PTPRD: variants seen among roughly 807,000 people sequenced by gnomAD.
PTPRD encodes the protein receptor-type tyrosine-protein phosphatase delta.
PTPRD carries 34 observed loss-of-function variants against 214.5 expected under a neutral mutation model. The observed-to-expected ratio is 0.16, with a 90% CI of 0.12 to 0.21. The LOEUF is 0.21. PTPRD is among the 10% of genes least tolerant of loss of function. PTPRD has a pLI of 1.00. For synonymous variants in PTPRD, 1,128 were observed against 845.7 expected, an observed-to-expected ratio of 1.33 and a Z score of -5.79; for missense variants, 2,545 against 2,398.7, an observed-to-expected ratio of 1.06 and a Z score of -1.27.
At chr9:9,031,619 T>A (rs2099605713) in intron 10 of PTPRD, among the ~76,000 whole-genome samples, 1 of 152,032 alleles carries the variant, frequency 6.6e-6, no homozygotes, top group Non-Finnish European at 1.5e-5. Context: ...CACCAATAAA[T>A]ACGTGGTCCA....
At chr9:8,934,644 T>C (rs59284487) in intron 11 of PTPRD, among the ~76,000 whole-genome samples, 39,304 of 145,624 alleles carry the variant, frequency 0.27, 5,895 homozygotes, top group East Asian at 0.6. Context: ...TAAGATCTAC[T>C]CTCTTATTTC....
At chr9:8,621,080 C>T (rs1312592222) in intron 14 of PTPRD, among the ~76,000 whole-genome samples, 4 of 151,940 alleles carry the variant, frequency 2.6e-5, no homozygotes, top group South Asian at 4.2e-4. Flanking sequence ...TAAGTCTTCC[C>T]GGGTCTTTGG....
chr9:8,933,871 C>CTTT (rs1421750991), intron 11 of PTPRD, among the ~76,000 whole-genome samples: 1 of 152,084 alleles, frequency 6.6e-6, no homozygotes, highest in East Asian at 1.9e-4. Context: ...GTTTAACAGA[C>CTTT]TTTAATAAAT....
At chr9:10,306,461 C>T (rs2154411769) in intron 3 of PTPRD, among the ~76,000 whole-genome samples, 1 of 152,014 alleles carries the variant, frequency 6.6e-6, no homozygotes, top group Admixed American at 6.6e-5. Context: ...GGAAAAATGG[C>T]TAGTAAACTT....
intron 9 of PTPRD, among the ~76,000 whole-genome samples, chr9:9,284,288 T>G (rs1948690751): frequency 6.6e-6 from 1 of 151,634 alleles, no homozygotes; most frequent in African/African-American, 2.4e-5. Flanking sequence ...AGTTTGTTGG[T>G]TTTTATTATC....
At chr9:8,494,035 C>G (rs1289848281) in intron 26 of PTPRD, among the ~76,000 whole-genome samples, 1 of 150,798 alleles carries the variant, frequency 6.6e-6, no homozygotes, top group Non-Finnish European at 1.5e-5. Flanking sequence ...CACACACACA[C>G]ACACAGCAAT....
chr9:9,991,905 G>A (rs906707811), intron 4 of PTPRD, among the ~76,000 whole-genome samples: 1 of 150,736 alleles, frequency 6.6e-6, no homozygotes, highest in African/African-American at 2.4e-5. Context: ...AGAAAAGGTG[G>A]TATACACATT....
intron 11 of PTPRD, among the ~76,000 whole-genome samples, chr9:8,775,803 C>G (rs2381900): frequency 0.71 from 107,490 of 151,140 alleles, 38,250 homozygotes; most frequent in Middle Eastern, 0.82. Flanking sequence ...GGACAACATA[C>G]TGAGGCCAAG....
intron 11 of PTPRD, among the ~76,000 whole-genome samples, chr9:8,933,530 ACT>A (rs1220499030): frequency 1.3e-5 from 2 of 151,908 alleles, no homozygotes; most frequent in Non-Finnish European, 2.9e-5. Context: ...ACAAAGAATG[ACT>A]TGAATCAGTT....
Position 10,239,661 on chromosome 9 carries a change from T to G in PTPRD, c.-545+101302A>C, listed in dbSNP as rs1366738036. Among the ~76,000 whole-genome samples, 7 of 151,662 alleles carry G rather than the reference T, an allele frequency of 4.6e-5. No individual in the cohort carries two copies. The South Asian group carries it at 6.2e-4, about 14-fold the overall frequency. ...ATTATGCATATCATTGCTGAGAGCT[T>G]AGTGGTGTGACACTATAGGAAATAT... On this transcript the variant is annotated intron_variant, in intron 3 of 45. Coordinates refer to ENST00000381196, the MANE Select transcript of PTPRD (RefSeq NM_002839.4).
intron 8 of PTPRD, among the ~76,000 whole-genome samples, chr9:9,529,306 A>G (rs1454141974): frequency 1.3e-5 from 2 of 152,120 alleles, no homozygotes. Context: ...TTCATTAAAA[A>G]AAAAAAGTCA....
intron 3 of PTPRD, among the ~76,000 whole-genome samples, chr9:10,065,141 T>TAAAAAGAA (rs2097851288): frequency 9.4e-6 from 1 of 106,732 alleles, no homozygotes; most frequent in Non-Finnish European, 1.9e-5. Context: ...TGACTTGGAT[T>TAAAAAGAA]AGAAAGAAAG....
At chr9:8,925,064 C>G (rs1285317224) in intron 11 of PTPRD, among the ~76,000 whole-genome samples, 2 of 152,146 alleles carry the variant, frequency 1.3e-5, no homozygotes, top group Non-Finnish European at 2.9e-5. Flanking sequence ...TCTTCCTGCT[C>G]TTTTTACAGC....
At chr9:9,568,976 G>A (rs1013288323) in intron 8 of PTPRD, among the ~76,000 whole-genome samples, 2 of 151,692 alleles carry the variant, frequency 1.3e-5, no homozygotes, top group Admixed American at 1.3e-4. Context: ...TCTACAATAA[G>A]GAGTTGTGAA....
At chr9:8,889,082 T>A (rs139376124) in intron 11 of PTPRD, among the ~76,000 whole-genome samples, 2 of 152,174 alleles carry the variant, frequency 1.3e-5, no homozygotes, top group African/African-American at 4.8e-5. Flanking sequence ...CTATTGCAGT[T>A]TTCCAGGCAG....
At chr9:9,640,573 T>C (rs2095906265) in intron 7 of PTPRD, among the ~76,000 whole-genome samples, 1 of 152,206 alleles carries the variant, frequency 6.6e-6, no homozygotes, top group South Asian at 2.1e-4. Context: ...TGGAAGAACT[T>C]TTAAATATAT....
chr9:9,242,696 T>C (rs943955239), intron 9 of PTPRD, among the ~76,000 whole-genome samples: 8 of 152,152 alleles, frequency 5.3e-5, no homozygotes, highest in Non-Finnish European at 1.0e-4. Context: ...CTCCATCAGG[T>C]CATTTAAGGA....
chr9:8,872,486 C>T (rs2098318911), intron 11 of PTPRD, among the ~76,000 whole-genome samples: 1 of 152,126 alleles, frequency 6.6e-6, no homozygotes, highest in Non-Finnish European at 1.5e-5. Context: ...ATTAAAAACA[C>T]AATAAAGAAA....
In PTPRD at chr9:9,480,583, T is replaced by C. The variant is rs934302852; in HGVS notation, c.-236-83101A>G. On this transcript the variant is annotated intron_variant, in intron 8 of 45. Transcript: ENST00000381196. ...TCAAAGTTTGTATTGATGTTTATAG[T>C]GTCTCTTTTTCTTTTAGTAATTTCC... 8.5e-5 allele frequency among the ~76,000 whole-genome samples: 13 copies of C among 152,158 alleles called. 1 individual carries two copies. The highest frequency in any genetic ancestry group is 1.6e-4 in the Non-Finnish European group (11 of 68,010).
Sources: gnomAD v4.1 joint callset for allele counts (sites outside exome capture counted in the v4.1 genomes callset) on GRCh38, gnomAD v4.1.1 for gene constraint, MANE v1.5 for transcripts, NCBI Gene and HGNC (gene_info 2026-07-23, HGNC 2026-07-21) for gene names.